TESK2: variants seen among roughly 807,000 people sequenced by gnomAD.
The protein encoded by TESK2 is testis associated actin remodelling kinase 2.
A neutral mutation model predicts 57.1 loss-of-function variants in TESK2; 39 were observed. That is an observed-to-expected ratio of 0.68 (90% CI 0.53 to 0.89). The LOEUF (loss-of-function observed/expected upper bound fraction) is 0.89. Ranked by LOEUF, TESK2 falls within the 40% of genes least tolerant of loss-of-function variation. The probability of loss-of-function intolerance (pLI) is 0.00; values close to 1 mark genes in which losing one functional copy is unlikely to be tolerated. For synonymous variants in TESK2, 249 were observed against 267.9 expected, an observed-to-expected ratio of 0.93 and a Z score of 0.69; for missense variants, 646 against 732.1, an observed-to-expected ratio of 0.88 and a Z score of 1.36.
At chr1:45,375,479 C>G (rs1198489165) in intron 4 of TESK2, among the ~76,000 whole-genome samples, 1 of 148,922 alleles carries the variant, frequency 6.7e-6, no homozygotes, top group Non-Finnish European at 1.5e-5. Flanking sequence ...AAATTTTAGC[C>G]TCTTTTATGA....
At chr1:45,357,989 C>T (rs917451044) in intron 4 of TESK2, among the ~76,000 whole-genome samples, 11 of 105,682 alleles carry the variant, frequency 1.0e-4, no homozygotes, top group Non-Finnish European at 1.6e-4. Context: ...GGGCAAGTGA[C>T]GGAGTGAAAC....
chr1:45,349,348 T>C (rs1474156333), intron 5 of TESK2, among the ~76,000 whole-genome samples: 1 of 152,156 alleles, frequency 6.6e-6, no homozygotes, highest in Non-Finnish European at 1.5e-5. Context: ...TTCTTGTGCT[T>C]GTCCTGGCTT....
At chr1:45,411,578 G>A (rs547223724) in intron 3 of TESK2, among the ~76,000 whole-genome samples, 14 of 152,114 alleles carry the variant, frequency 9.2e-5, no homozygotes, top group East Asian at 5.8e-4. Context: ...GGCTGATACC[G>A]GTCCATAACC....
In TESK2 at chr1:45,429,794, T is replaced by C. The variant is rs143822664; in HGVS notation, c.223-7948A>G. ...TGGCATAACTAAAGTCCCTCCGCTT[T>C]AACTCTTACACAAAAGAAGTAGCCT... is the stretch of plus-strand genomic sequence containing the variant. On this transcript the variant is annotated intron_variant, in intron 2 of 10. Transcript: ENST00000372086. Among the ~76,000 whole-genome samples, 235 of 152,290 alleles carry C rather than the reference T, an allele frequency of 1.5e-3. 1 individual carries two copies. Among genetic ancestry groups the C allele is most frequent in the Non-Finnish European group, 2.7e-3 (181 of 68,032 alleles).
chr1:45,356,529 C>T (rs1465293261), intron 4 of TESK2, among the ~76,000 whole-genome samples: 3 of 151,052 alleles, frequency 2.0e-5, no homozygotes, highest in East Asian at 3.9e-4. Flanking sequence ...ATGGGAAGAT[C>T]GCCTGAGCCT....
chr1:45,446,119 A>C (rs559702649), intron 2 of TESK2, among the ~76,000 whole-genome samples: 5 of 152,044 alleles, frequency 3.3e-5, no homozygotes, highest in African/African-American at 1.2e-4. Flanking sequence ...GAAATAAATC[A>C]TTTTAATACC....
At chr1:45,431,446 A>G (rs1650962575) in intron 2 of TESK2, among the ~76,000 whole-genome samples, 1 of 152,068 alleles carries the variant, frequency 6.6e-6, no homozygotes, top group Non-Finnish European at 1.5e-5. Flanking sequence ...GCAAGTGGAA[A>G]TTGCTGCATG....
intron 1 of TESK2, among the ~76,000 whole-genome samples, chr1:45,486,826 C>CACACACACACACACACACACACAA (rs1653501295): frequency 7.3e-6 from 1 of 136,420 alleles, no homozygotes. Context: ...CACATATATA[C>CACACACACACACACACACACACAA]ATTTTTTTTT....
At position 45,371,030 on chromosome 1, in the gene TESK2, A is replaced by C. The variant is rs1212099750; in HGVS notation, c.393+14882T>G. ...TCTTTGCAACAAATGAGAAATGCAAATCAAACCACAATGAGATATCACCTC... is the reference window on the plus strand; with the variant it reads ...TCTTTGCAACAAATGAGAAATGCAACTCAAACCACAATGAGATATCACCTC... On this transcript the variant is annotated intron_variant, in intron 4 of 10. Coordinates refer to ENST00000372086, the MANE Select transcript of TESK2 (RefSeq NM_007170.3). Among the ~76,000 whole-genome samples, 10 of 152,156 alleles carry C rather than the reference A, an allele frequency of 6.6e-5. No individual in the cohort carries two copies. The South Asian group carries it at 1.0e-3, about 16-fold the overall frequency.
chr1:45,439,102 C>T (rs1651342040), intron 2 of TESK2, among the ~76,000 whole-genome samples: 1 of 152,044 alleles, frequency 6.6e-6, no homozygotes, highest in South Asian at 2.1e-4. Context: ...AAACCTTTAC[C>T]TATTCAAGCA....
chr1:45,440,755 T>C (rs758913207), intron 2 of TESK2, among the ~76,000 whole-genome samples: 2 of 151,268 alleles, frequency 1.3e-5, no homozygotes, highest in African/African-American at 2.4e-5. Flanking sequence ...AAAATATATA[T>C]ATATTTGTAC....
chr1:45,455,610 T>C (rs1206429853), intron 2 of TESK2, among the ~76,000 whole-genome samples: 2 of 152,186 alleles, frequency 1.3e-5, no homozygotes, highest in Non-Finnish European at 2.9e-5. Flanking sequence ...ATTAGTGAGT[T>C]AACGTTTCAT....
At chr1:45,441,162 TTTTG>T (rs778133345) in intron 2 of TESK2, among the ~76,000 whole-genome samples, 10 of 152,134 alleles carry the variant, frequency 6.6e-5, no homozygotes, top group Non-Finnish European at 7.4e-5. Flanking sequence ...GTTGTTGTAA[TTTTG>T]TTTTTTTGTT....
chr1:45,466,714 A>G (rs1382740080), intron 1 of TESK2, among the ~76,000 whole-genome samples: 3 of 150,210 alleles, frequency 2.0e-5, no homozygotes, highest in Non-Finnish European at 4.4e-5. Flanking sequence ...TAGCATAGTC[A>G]TGAATGCTAT....
At chr1:45,374,745 C>T (rs1202113598) in intron 4 of TESK2, among the ~76,000 whole-genome samples, 5 of 152,136 alleles carry the variant, frequency 3.3e-5, no homozygotes, top group Non-Finnish European at 4.4e-5. Context: ...TATCTCAACT[C>T]GAATGTCCAA....
rs75809645 is a variant in TESK2 at position 45,377,062 on chromosome 1, A to G, written c.393+8850T>C. Reference sequence around the variant, plus strand: ...TAGTGAGACTCCATCTCTACAAAAAATGTAAAAATTAGCTGGGTGTGGTGG... The same window carrying G: ...TAGTGAGACTCCATCTCTACAAAAAGTGTAAAAATTAGCTGGGTGTGGTGG... On this transcript the variant is annotated intron_variant, in intron 4 of 10. Coordinates refer to ENST00000372086, the MANE Select transcript of TESK2 (RefSeq NM_007170.3). 1.0e-2 allele frequency among the ~76,000 whole-genome samples: 1,521 copies of G among 152,200 alleles called. 29 individuals carry two copies. Among genetic ancestry groups the G allele is most frequent in the African/African-American group, 0.035 (1,463 of 41,538 alleles).
intron 2 of TESK2, among the ~76,000 whole-genome samples, chr1:45,456,797 T>TTGA (rs1652128446): frequency 6.6e-6 from 1 of 152,184 alleles, no homozygotes; most frequent in South Asian, 2.1e-4. Context: ...AAGATGTGTG[T>TTGA]TGATAGCTAT....
chr1:45,471,977 C>T (rs1359269082), intron 1 of TESK2, among the ~76,000 whole-genome samples: 2 of 152,046 alleles, frequency 1.3e-5, no homozygotes, highest in Non-Finnish European at 2.9e-5. Context: ...TCTGGCCAGG[C>T]GCAGTGGCTC....
intron 3 of TESK2, among the ~76,000 whole-genome samples, chr1:45,394,237 C>G (rs1432623357): frequency 6.6e-6 from 1 of 151,642 alleles, no homozygotes; most frequent in African/African-American, 2.4e-5. Flanking sequence ...TCGCTGCAGC[C>G]TCAACCTCCC....
Sources: allele counts gnomAD v4.1 joint callset (sites outside exome capture counted in the v4.1 genomes callset), GRCh38; gene constraint gnomAD v4.1.1; transcripts MANE v1.5; gene names NCBI Gene and HGNC (gene_info 2026-07-23, HGNC 2026-07-21).